The following GPR158 variants were observed in gnomAD, a reference collection of about 807,000 sequenced individuals.
The protein encoded by GPR158 is metabotropic glycine receptor.
Under a neutral mutation model 78.2 loss-of-function variants are expected in GPR158, and 30 were observed. The ratio of observed to expected loss-of-function variants is 0.38; its 90% CI spans 0.29 to 0.52. The LOEUF is 0.52. GPR158 is among the 20% of genes least tolerant of loss of function. The pLI is 0.83. For synonymous variants in GPR158, 581 were observed against 591.1 expected, an observed-to-expected ratio of 0.98 and a Z score of 0.25; for missense variants, 1,463 against 1,523.5, an observed-to-expected ratio of 0.96 and a Z score of 0.66.
At chr10:25,405,770 T>A (rs1196310310) in intron 3 of GPR158, among the ~76,000 whole-genome samples, 4 of 152,056 alleles carry the variant, frequency 2.6e-5, no homozygotes, top group Admixed American at 2.6e-4. Context: ...TTGATTTAGA[T>A]GTAGTATTAT....
At chr10:25,531,884 A>G (rs1392984475) in intron 5 of GPR158, among the ~76,000 whole-genome samples, 1 of 152,080 alleles carries the variant, frequency 6.6e-6, no homozygotes, top group African/African-American at 2.4e-5. Flanking sequence ...TGCCGTTAGG[A>G]AGTGGCAGAG....
chr10:25,370,077 G>T (rs922330507), intron 2 of GPR158, among the ~76,000 whole-genome samples: 1 of 148,902 alleles, frequency 6.7e-6, no homozygotes, highest in African/African-American at 2.5e-5. Context: ...TATTAGTCTT[G>T]CTAGCGGTCT....
At chr10:25,282,824 T>C (rs1278625363) in intron 2 of GPR158, among the ~76,000 whole-genome samples, 1 of 152,126 alleles carries the variant, frequency 6.6e-6, no homozygotes, top group Non-Finnish European at 1.5e-5. Flanking sequence ...AATTGTATTG[T>C]TTGCTTTCTT....
intron 5 of GPR158, among the ~76,000 whole-genome samples, chr10:25,537,191 T>C (rs886962188): frequency 6.6e-6 from 1 of 152,234 alleles, no homozygotes; most frequent in Non-Finnish European, 1.5e-5. Flanking sequence ...GTATAGTCTT[T>C]CCAACCAAAA....
At chr10:25,218,697 T>C (rs1483043140) in intron 1 of GPR158, among the ~76,000 whole-genome samples, 1 of 152,188 alleles carries the variant, frequency 6.6e-6, no homozygotes. Flanking sequence ...ATACTGGTGA[T>C]TTAGAGTGTG....
At chr10:25,372,566 G>A (rs1368537928) in intron 2 of GPR158, among the ~76,000 whole-genome samples, 1 of 147,454 alleles carries the variant, frequency 6.8e-6, no homozygotes, top group African/African-American at 2.5e-5. Context: ...TAGGGACATG[G>A]ACGAAATTGG....
intron 4 of GPR158, among the ~76,000 whole-genome samples, chr10:25,451,437 T>G (rs1247797858): frequency 6.6e-6 from 1 of 152,246 alleles, no homozygotes; most frequent in African/African-American, 2.4e-5. Context: ...TTCACACTTT[T>G]TACTTCTATT....
chr10:25,235,939 G>C (rs11014449), intron 2 of GPR158, among the ~76,000 whole-genome samples: 22,328 of 151,792 alleles, frequency 0.15, 2,016 homozygotes, highest in East Asian at 0.34. Flanking sequence ...CTTGTGATCT[G>C]CCCGCCTCAG....
At chr10:25,528,370 AG>A (rs1836378895) in intron 5 of GPR158, among the ~76,000 whole-genome samples, 1 of 152,024 alleles carries the variant, frequency 6.6e-6, no homozygotes, top group Non-Finnish European at 1.5e-5. Context: ...TTAGATGGGA[AG>A]CACTAAAATA....
chr10:25,531,019 C>T (rs1836416023), intron 5 of GPR158, among the ~76,000 whole-genome samples: 1 of 152,180 alleles, frequency 6.6e-6, no homozygotes, highest in South Asian at 2.1e-4. Context: ...TCACTCTAAT[C>T]CTTTCAGATA....
At chr10:25,318,439 G>C (rs61105987) in intron 2 of GPR158, among the ~76,000 whole-genome samples, 30,601 of 151,818 alleles carry the variant, frequency 0.2, 5,190 homozygotes, top group African/African-American at 0.47. Flanking sequence ...GATAGACGTT[G>C]TGTTTCTGAG....
chr10:25,380,811 T>C (rs1176972402), intron 2 of GPR158, among the ~76,000 whole-genome samples: 1 of 152,168 alleles, frequency 6.6e-6, no homozygotes, highest in African/African-American at 2.4e-5. Flanking sequence ...ACTAATTCTA[T>C]TGAGTGATTA....
chr10:25,298,975 A>C (rs1202360473), intron 2 of GPR158, among the ~76,000 whole-genome samples: 2 of 152,220 alleles, frequency 1.3e-5, no homozygotes, highest in African/African-American at 4.8e-5. Context: ...ATAACAATGT[A>C]CACACAGTGC....
At chr10:25,579,448 C>T (rs12355530) in intron 7 of GPR158, among the ~76,000 whole-genome samples, 33,049 of 151,998 alleles carry the variant, frequency 0.22, 4,570 homozygotes, top group Non-Finnish European at 0.31. Context: ...ATTTAAAATA[C>T]ATTTATTTTA....
chr10:25,272,873 T>C (rs1283631209), intron 2 of GPR158, among the ~76,000 whole-genome samples: 1 of 152,200 alleles, frequency 6.6e-6, no homozygotes, highest in African/African-American at 2.4e-5. Context: ...TCTAAAATTT[T>C]ATTCAGAACT....
At position 25,264,005 on chromosome 10, in the gene GPR158, T is replaced by C. The variant is rs141716248; in HGVS notation, c.1008+42848T>C. Reference sequence around the variant, plus strand: ...GGTATTATCCTTTGGAGACTTTTTTTATTGGATCTTTAGGGGCTTGTCTTC... The same window carrying C: ...GGTATTATCCTTTGGAGACTTTTTTCATTGGATCTTTAGGGGCTTGTCTTC... On this transcript the variant is annotated intron_variant, in intron 2 of 10. Transcript: ENST00000376351. Among the ~76,000 whole-genome samples, 441 of 152,348 alleles carry C rather than the reference T, an allele frequency of 2.9e-3. 2 individuals are homozygous for C. Among genetic ancestry groups the C allele is most frequent in the African/African-American group, 0.01 (421 of 41,582 alleles).
chr10:25,481,256 G>A (rs1286963520), intron 5 of GPR158, among the ~76,000 whole-genome samples: 3 of 152,130 alleles, frequency 2.0e-5, no homozygotes, highest in Non-Finnish European at 4.4e-5. Flanking sequence ...CAGTTGGTGG[G>A]TTTAAAGCAA....
chr10:25,357,371 G>A (rs2130528209), intron 2 of GPR158, among the ~76,000 whole-genome samples: 1 of 152,244 alleles, frequency 6.6e-6, no homozygotes. Flanking sequence ...AAGACGATGG[G>A]CACAATATCT....
At chr10:25,309,483 T>G (rs143046292) in intron 2 of GPR158, among the ~76,000 whole-genome samples, 1 of 152,294 alleles carries the variant, frequency 6.6e-6, no homozygotes, top group African/African-American at 2.4e-5. Context: ...ATTTGCAAAT[T>G]TTTCTGTTAT....
Sources: allele counts gnomAD v4.1 joint callset (sites outside exome capture counted in the v4.1 genomes callset), GRCh38; gene constraint gnomAD v4.1.1; transcripts MANE v1.5; gene names NCBI Gene and HGNC (gene_info 2026-07-23, HGNC 2026-07-21).